Variants in PAK2 observed in about 807,000 individuals in gnomAD.
PAK2 encodes the protein p21 (RAC1) activated kinase 2, also known as serine/threonine-protein kinase PAK 2.
A neutral mutation model predicts 65.9 loss-of-function variants in PAK2; 21 were observed. The ratio of observed to expected loss-of-function variants is 0.32; its 90% confidence interval spans 0.23 to 0.46. The LOEUF (loss-of-function observed/expected upper bound fraction) is 0.46. PAK2 is among the 20% of genes least tolerant of loss of function. The pLI, the probability that PAK2 is intolerant of heterozygous loss-of-function variation, is 1.00. For missense variants in PAK2, 324 were observed against 642.6 expected (o/e 0.50, Z 5.36); for synonymous variants, 204 against 219.7 (o/e 0.93, Z 0.63).
intron 2 of PAK2, among the ~76,000 whole-genome samples, chr3:196,786,182 A>T (rs113488910): frequency 0.11 from 14,814 of 132,772 alleles, 1,194 homozygotes; most frequent in East Asian, 0.44. Context: ...TTTTTTTTTG[A>T]GATGGAGTCT....
intron 6 of PAK2, 107 bp downstream of exon 6, chr3:196,806,793 T>C: frequency 1.4e-6 from 1 of 697,794 alleles, no homozygotes; most frequent in Non-Finnish European, 2.6e-6. Flanking sequence ...CCCTCAAGTT[T>C]AAAATCGTTT....
chr3:196,775,818 T>G (rs1714518784), intron 1 of PAK2, among the ~76,000 whole-genome samples: 2 of 152,336 alleles, frequency 1.3e-5, no homozygotes, highest in Middle Eastern at 3.4e-3. Context: ...GATACTGTAA[T>G]GAAAAGCAGT....
chr3:196,797,094 G>A (rs1028711103), intron 2 of PAK2, among the ~76,000 whole-genome samples: 1 of 152,150 alleles, frequency 6.6e-6, no homozygotes, highest in Non-Finnish European at 1.5e-5. Flanking sequence ...CCTAATAGAC[G>A]TTTATAGAAC....
At chr3:196,827,169 G>A in intron 13 of PAK2, 27 bp from the exon 14 acceptor site, 1 of 1,535,178 alleles carries the variant, frequency 6.5e-7, no homozygotes, top group Non-Finnish European at 8.9e-7. Context: ...TATCTTAAGT[G>A]GATCAAAGAT....
Position 196,764,162 on chromosome 3 carries a change from T to A in PAK2, c.-21-18464T>A, listed in dbSNP as rs555467795. On this transcript the variant is annotated intron_variant, in intron 1 of 14. Coordinates refer to ENST00000327134, the MANE Select transcript of PAK2 (RefSeq NM_002577.4). ...GCTTTTAGGTGTAATAATGCTAAAC[T>A]TTATAAACAGACACTGGGAAAAACT... 2.0e-5 allele frequency among the ~76,000 whole-genome samples: 3 copies of A among 152,174 alleles called. No homozygotes were observed. In the South Asian group the frequency reaches 6.2e-4, roughly 32 times the overall value.
chr3:196,740,079 T>G lies in PAK2; in HGVS notation c.-100T>G, dbSNP rs1276502700. ...CCCCTCCCCTCCCCGCACCGCGCGC[T>G]AGCCCGGGGCGGCTCCGCAGCCCGC... On this transcript the variant is annotated 5_prime_UTR_variant, in exon 1 of 15. Coordinates refer to ENST00000327134, the MANE Select transcript of PAK2 (RefSeq NM_002577.4). The G allele has an allele frequency of 2.7e-5, 4 of 147,762 alleles. No individual in the cohort carries two copies. The highest frequency in any genetic ancestry group is 6.7e-5 in the Admixed American group (1 of 14,986). The allele number at this position is 147,762 out of a possible 1,614,324, so 9.2% of individuals were successfully genotyped here. A position where few individuals can be genotyped will look rare whatever the true frequency, so the allele number is the denominator to read the frequency against.
At chr3:196,763,014 T>C (rs527781555) in intron 1 of PAK2, among the ~76,000 whole-genome samples, 4 of 151,928 alleles carry the variant, frequency 2.6e-5, no homozygotes, top group Non-Finnish European at 5.9e-5. Flanking sequence ...CTAAAGAACA[T>C]TGGAATAGCA....
At chr3:196,769,043 C>A (rs548041919) in intron 1 of PAK2, among the ~76,000 whole-genome samples, 1 of 152,010 alleles carries the variant, frequency 6.6e-6, no homozygotes, top group East Asian at 1.9e-4. Flanking sequence ...ACATTCAGAG[C>A]TAGCTGGGCA....
At chr3:196,815,269 T>G (rs1479098741) in intron 11 of PAK2, among the ~76,000 whole-genome samples, 1 of 151,770 alleles carries the variant, frequency 6.6e-6, no homozygotes, top group Non-Finnish European at 1.5e-5. Context: ...GGCAGGCAGA[T>G]TCCCTGAGGT....
At chr3:196,749,437 A>G (rs556251289) in intron 1 of PAK2, among the ~76,000 whole-genome samples, 64 of 151,978 alleles carry the variant, frequency 4.2e-4, no homozygotes, top group Non-Finnish European at 8.1e-4. Flanking sequence ...TAGCCATCCT[A>G]ATGGGTATTA....
At chr3:196,792,944 T>C (rs1451593640) in intron 2 of PAK2, among the ~76,000 whole-genome samples, 3 of 152,106 alleles carry the variant, frequency 2.0e-5, no homozygotes, top group African/African-American at 7.2e-5. Flanking sequence ...GAGAAACACA[T>C]AACCTAAGCG....
intron 7 of PAK2, chr3:196,808,174 T>G (rs538071897): frequency 3.7e-6 from 1 of 273,554 alleles, no homozygotes; most frequent in East Asian, 9.7e-5. Flanking sequence ...AAAAATTAGC[T>G]GGATGTGCTG....
chr3:196,829,086 T>C lies in PAK2; in HGVS notation c.*681T>C, dbSNP rs1711977861. On this transcript the variant is annotated 3_prime_UTR_variant, in exon 15 of 15. Coordinates refer to ENST00000327134, the MANE Select transcript of PAK2 (RefSeq NM_002577.4). The stretch of plus-strand genomic sequence containing the variant: ...TTTTAGAAATTTCGTGGTAGTAAGT[T>C]CGGCATTTGTTACATGTATAGAGAG... 6.5e-6 allele frequency: 1 copy of C among 152,736 alleles called. No homozygotes were observed. Among genetic ancestry groups the C allele is most frequent in the Non-Finnish European group, 1.5e-5 (1 of 68,094 alleles). The allele number at this position is 152,736 out of a possible 1,614,324, so 9.5% of individuals were successfully genotyped here. A position where few individuals can be genotyped will look rare whatever the true frequency, so the allele number is the denominator to read the frequency against.
chr3:196,775,569 G>A (rs1714511224), intron 1 of PAK2, among the ~76,000 whole-genome samples: 1 of 151,994 alleles, frequency 6.6e-6, no homozygotes, highest in African/African-American at 2.4e-5. Flanking sequence ...TTTTAGTAGA[G>A]ACGGGGTTTC....
At chr3:196,747,885 A>G (rs1228768269) in intron 1 of PAK2, among the ~76,000 whole-genome samples, 1 of 152,056 alleles carries the variant, frequency 6.6e-6, no homozygotes, top group East Asian at 1.9e-4. Flanking sequence ...GGACCTTTAG[A>G]TTTTTATTTC....
At chr3:196,804,325 C>T (rs1041935986) in intron 4 of PAK2, among the ~76,000 whole-genome samples, 1 of 152,142 alleles carries the variant, frequency 6.6e-6, no homozygotes, top group African/African-American at 2.4e-5. Flanking sequence ...CACACTTGCT[C>T]CTAGAACTTT....
At chr3:196,750,371 A>T (rs1322995756) in intron 1 of PAK2, among the ~76,000 whole-genome samples, 1 of 151,650 alleles carries the variant, frequency 6.6e-6, no homozygotes, top group African/African-American at 2.4e-5. Flanking sequence ...TTTTGCAGAT[A>T]TTTTTTTTCT....
rs1360996907 is a variant in PAK2, at chr3:196,791,751, C to T, written c.187+8918C>T. Reference sequence around the variant, plus strand: ...CATCCTGGCTAACAAGGTGAAACCCCGTCTCTACTAAAAATACAAAAAGTT... The same window carrying T: ...CATCCTGGCTAACAAGGTGAAACCCTGTCTCTACTAAAAATACAAAAAGTT... On this transcript the variant is annotated intron_variant, in intron 2 of 14. Transcript: ENST00000327134. The surrounding 1 kb of genome is among the most constrained non-coding windows in gnomAD (Gnocchi z 4.0). Among the ~76,000 whole-genome samples, 2 of 151,752 alleles carry T rather than the reference C, an allele frequency of 1.3e-5. No individual in the cohort carries two copies. The highest frequency in any genetic ancestry group is 4.8e-5 in the African/African-American group (2 of 41,324).
chr3:196,778,147 G>A (rs753486268), intron 1 of PAK2, among the ~76,000 whole-genome samples: 27 of 152,210 alleles, frequency 1.8e-4, no homozygotes, highest in East Asian at 3.9e-4. Context: ...CATATGAAAC[G>A]GAATCCTACA....
Sources: gnomAD v4.1 joint callset for allele counts (sites outside exome capture counted in the v4.1 genomes callset) on GRCh38, gnomAD v4.1.1 for gene constraint, Gnocchi (gnomAD v3.1) non-coding constraint, MANE v1.5 for transcripts, NCBI Gene and HGNC (gene_info 2026-07-23, HGNC 2026-07-21) for gene names.